The following ZNF175 variants were observed in gnomAD, a reference collection of about 807,000 sequenced individuals.
ZNF175 encodes the protein zinc finger protein OTK18.
Under a neutral mutation model 14.0 loss-of-function variants are expected in ZNF175, and 8 were observed. The observed-to-expected ratio is 0.57, with a 90% CI of 0.34 to 1.03. The LOEUF is 1.03. Among genes scored for constraint, ZNF175 ranks in the 50% least tolerant of loss-of-function variants. The pLI is 0.03. For synonymous variants in ZNF175, 255 were observed against 296.8 expected (o/e 0.86, Z 1.45); for missense variants, 764 against 849.5 (o/e 0.90, Z 1.25).
intron 2 of ZNF175, among the ~76,000 whole-genome samples, chr19:51,577,367 G>C (rs1981824496): frequency 6.6e-6 from 1 of 151,874 alleles, no homozygotes; most frequent in African/African-American, 2.4e-5. Flanking sequence ...CATTTAAAAG[G>C]GTTTTTATGC....
At chr19:51,574,670 A>G (rs1330717046) in intron 2 of ZNF175, among the ~76,000 whole-genome samples, 1 of 152,226 alleles carries the variant, frequency 6.6e-6, no homozygotes, top group Non-Finnish European at 1.5e-5. Flanking sequence ...CCCTGTCTCA[A>G]AACAAAACAA....
chr19:51,586,785 C>A lies in ZNF175; in HGVS notation c.454C>A (p.Gln152Lys). 2 of 1,614,138 alleles carry A rather than the reference C, an allele frequency of 1.2e-6. No individual in the cohort carries two copies. The highest frequency in any genetic ancestry group is 1.1e-5 in the South Asian group (1 of 91,074). ...CCGCACAAAGAAAGATGAGCAAAATCAAATTCAACCCATGAGTCACAGTGC... is the reference window on the plus strand; with the variant it reads ...CCGCACAAAGAAAGATGAGCAAAATAAAATTCAACCCATGAGTCACAGTGC... The part of the protein sequence containing the change: ...ADRTKKDEQN[Q>K]IQPMSHSAFF... The change falls in exon 5 of 5, where the codon CAA becomes AAA. Residue 152 changes from glutamine to lysine, a missense_variant. Gln to Lys is a moderately conservative substitution (Grantham distance 53). Coordinates refer to ENST00000262259, the MANE Select transcript of ZNF175 (RefSeq NM_007147.4).
At position 51,587,266 on chromosome 19, in the gene ZNF175, G is replaced by A. The variant is rs1235035466; in HGVS notation, c.935G>A (p.Cys312Tyr). The stretch of plus-strand genomic sequence containing the variant: ...GGAAACCTCCATGAATGTGGCAAAT[G>A]TGGAAAAGCCTTCATGCCACAACTA... ...SVGNLHECGK[C>Y]GKAFMPQLKL... The change falls in exon 5 of 5, where the codon TGT becomes TAT. Residue 312 changes from cysteine (C) to tyrosine (Y), a missense_variant. Coordinates refer to ENST00000262259, the MANE Select transcript of ZNF175 (RefSeq NM_007147.4). The A allele has an allele frequency of 6.2e-7, 1 of 1,614,076 alleles. No homozygotes were observed. The highest frequency in any genetic ancestry group is 1.3e-5 in the African/African-American group (1 of 74,916).
At position 51,575,458 on chromosome 19, in the gene ZNF175, C is replaced by T. The variant is rs375106860; in HGVS notation, c.72+2057C>T. Among the ~76,000 whole-genome samples, 26 of 152,202 alleles carry T rather than the reference C, an allele frequency of 1.7e-4. No individual in the cohort carries two copies. The East Asian group carries it at 4.1e-3, about 24-fold the overall frequency. On this transcript the variant is annotated intron_variant, in intron 2 of 4. Coordinates refer to ENST00000262259, the MANE Select transcript of ZNF175 (RefSeq NM_007147.4). The stretch of plus-strand genomic sequence containing the variant: ...GGTCTTGATCTCCTGACCTCGTGAT[C>T]CGCCTGCCTCAGTGTCCCAAGAGAG...
At chr19:51,582,238 A>C (rs1477788654) in intron 4 of ZNF175, among the ~76,000 whole-genome samples, 2 of 152,224 alleles carry the variant, frequency 1.3e-5, no homozygotes, top group African/African-American at 2.4e-5. Flanking sequence ...TGGCATTAAC[A>C]AAATTGGTGA....
intron 2 of ZNF175, among the ~76,000 whole-genome samples, chr19:51,577,824 A>C (rs776459963): frequency 1.1e-3 from 171 of 151,508 alleles, no homozygotes; most frequent in East Asian, 2.6e-3. Flanking sequence ...CCACCACACC[A>C]AGCTAATTTT....
chr19:51,581,356 C>A lies in ZNF175; in HGVS notation c.73-35C>A, dbSNP rs1981994762. 13 of 1,614,050 alleles carry A rather than the reference C, an allele frequency of 8.1e-6. No individual in the cohort carries two copies. In the East Asian group the frequency reaches 2.9e-4, roughly 36 times the overall value. ...TGCCATCCCCACTCGCCAATGATGA[C>A]CTAATTCACAGTGAGCTGGGGTACA... On this transcript the variant is annotated intron_variant, in intron 2 of 4. Transcript: ENST00000262259.
rs962580903 is a variant in ZNF175, at chr19:51,571,431, G to C, written c.-225G>C. On this transcript the variant is annotated 5_prime_UTR_variant, in exon 1 of 5. Coordinates refer to ENST00000262259, the MANE Select transcript of ZNF175 (RefSeq NM_007147.4). Reference sequence around the variant, plus strand: ...GTGATGAGGGGCTTGTTGGGGGTGGGGGTGCGTGATAAAGGGATTTCTCGG... The same window carrying C: ...GTGATGAGGGGCTTGTTGGGGGTGGCGGTGCGTGATAAAGGGATTTCTCGG... 6.6e-6 allele frequency: 1 copy of C among 152,204 alleles called. No individual in the cohort carries two copies. The highest frequency in any genetic ancestry group is 2.4e-5 in the African/African-American group (1 of 41,332). The allele number at this position is 152,204 out of a possible 1,614,324, so 9.4% of individuals were successfully genotyped here. A position where few individuals can be genotyped will look rare whatever the true frequency, so the allele number is the denominator to read the frequency against.
At chr19:51,585,330 A>T (rs571632448) in intron 4 of ZNF175, among the ~76,000 whole-genome samples, 1 of 152,180 alleles carries the variant, frequency 6.6e-6, no homozygotes, top group South Asian at 2.1e-4. Context: ...GAAAAGGGAA[A>T]TTGTTTAATG....
At position 51,580,537 on chromosome 19, in the gene ZNF175, T is replaced by C. The variant is rs537647737; in HGVS notation, c.73-854T>C. On this transcript the variant is annotated intron_variant, in intron 2 of 4. Transcript: ENST00000262259. The stretch of plus-strand genomic sequence containing the variant: ...CATCAGTCCTTTCATTAACCTAATA[T>C]TAGTTATTACAGGAGAGATCATCTT... Among the ~76,000 whole-genome samples the C allele has an allele frequency of 8.8e-4, 134 of 152,218 alleles. 1 individual carries two copies. The highest frequency in any genetic ancestry group is 1.2e-3 in the Non-Finnish European group (80 of 68,034).
chr19:51,589,986 G>A lies in ZNF175; in HGVS notation c.*1519G>A, dbSNP rs1184506650. On this transcript the variant is annotated 3_prime_UTR_variant, in exon 5 of 5. Transcript: ENST00000262259. ...CTCAGATCTCTTACGTGTGTGGATG[G>A]TATTTTTTTCATTCTACAATCCATG... is the stretch of plus-strand genomic sequence containing the variant. 1.0e-5 allele frequency: 2 copies of A among 191,868 alleles called. No homozygotes were observed. The highest frequency in any genetic ancestry group is 1.2e-4 in the East Asian group (1 of 8,014). The allele number at this position is 191,868 out of a possible 1,614,324, so 11.9% of individuals were successfully genotyped here.
chr19:51,587,592 T>G lies in ZNF175; in HGVS notation c.1261T>G (p.Cys421Gly). 6.2e-7 allele frequency: 1 copy of G among 1,614,200 alleles called. No homozygotes were observed. The highest frequency in any genetic ancestry group is 8.5e-7 in the Non-Finnish European group (1 of 1,180,040). The part of the protein sequence containing the change: ...KIHTGERQYA[C>G]SECGKAFTQK... ...TCATACTGGTGAGAGACAGTATGCA[T>G]GCAGTGAATGTGGGAAAGCCTTTAC... The change falls in exon 5 of 5, where the codon TGC becomes GGC. Residue 421 changes from cysteine (C) to glycine (G), a missense_variant. Transcript: ENST00000262259.
chr19:51,580,854 G>A (rs749278784), intron 2 of ZNF175, among the ~76,000 whole-genome samples: 10 of 152,172 alleles, frequency 6.6e-5, no homozygotes, highest in East Asian at 5.8e-4. Context: ...TACTTCCAGC[G>A]TAAGCTTCAC....
rs1354692994 is a variant in ZNF175 at position 51,590,402 on chromosome 19, C to T, written c.*1935C>T. The T allele has an allele frequency of 6.6e-6, 1 of 152,394 alleles. No homozygotes were observed. The highest frequency in any genetic ancestry group is 1.5e-5 in the Non-Finnish European group (1 of 68,190). The allele number at this position is 152,394 out of a possible 1,614,324, so 9.4% of individuals were successfully genotyped here. ...CAAGTGCTGATGAATTTTAGCGGGC[C>T]TCGTATCCCTGAGCCTGCCTGGTTC... On this transcript the variant is annotated 3_prime_UTR_variant, in exon 5 of 5. Transcript: ENST00000262259.
chr19:51,587,207 A>G lies in ZNF175; in HGVS notation c.876A>G (p.Ser292=). 4 of 1,614,242 alleles carry G rather than the reference A, an allele frequency of 2.5e-6. No individual in the cohort carries two copies. Among genetic ancestry groups the G allele is most frequent in the Non-Finnish European group, 3.4e-6 (4 of 1,180,032 alleles). The change falls in exon 5 of 5, where the codon TCA becomes TCG. Residue 292 remains serine (S), a synonymous_variant. Coordinates refer to ENST00000262259, the MANE Select transcript of ZNF175 (RefSeq NM_007147.4). The part of the protein sequence containing the change: ...SECGGSFTQK[S]HLFAQQRIHS... ...GTGGGGGGAGCTTCACCCAGAAGTC[A>G]CACCTCTTTGCCCAACAGAGAATTC...
At position 51,586,829 on chromosome 19, in the gene ZNF175, A is replaced by G. The variant is rs140650598; in HGVS notation, c.498A>G (p.Thr166=). 1 of 1,614,196 alleles carries G rather than the reference A, an allele frequency of 6.2e-7. No individual in the cohort carries two copies. Among genetic ancestry groups the G allele is most frequent in the East Asian group, 2.2e-5 (1 of 44,892 alleles). Reference sequence around the variant, plus strand: ...ACAGTGCTTTCTTCAACAAGAAAACATTGAACACAGAAAGCAATTGTGAAT... The same window carrying G: ...ACAGTGCTTTCTTCAACAAGAAAACGTTGAACACAGAAAGCAATTGTGAAT... ...MSHSAFFNKK[T]LNTESNCEYK... Residue 166 remains threonine, a synonymous_variant, in exon 5 of 5, where the codon ACA becomes ACG. Coordinates refer to ENST00000262259, the MANE Select transcript of ZNF175 (RefSeq NM_007147.4).
At chr19:51,577,742 C>G (rs189700322) in intron 2 of ZNF175, among the ~76,000 whole-genome samples, 1 of 148,290 alleles carries the variant, frequency 6.7e-6, no homozygotes, top group East Asian at 2.0e-4. Context: ...TGGCTCACTG[C>G]AAGCTCCGCC....
intron 2 of ZNF175, among the ~76,000 whole-genome samples, chr19:51,576,810 T>C (rs1397399300): frequency 3.3e-5 from 5 of 152,144 alleles, no homozygotes; most frequent in African/African-American, 4.8e-5. Flanking sequence ...CCTTTGGCTT[T>C]CTCTTCCACG....
chr19:51,587,551 T>TTA lies in ZNF175; in HGVS notation c.1223_1224dup (p.His409TyrfsTer55), dbSNP rs753710732. On this transcript the variant is annotated frameshift_variant, in exon 5 of 5. Transcript: ENST00000262259. LOFTEE classifies it low-confidence loss of function (END_TRUNC). ...GGCTTCTCCCAAAACTCAACCCTCA[T>TTA]TATACATCAGAAAATTCATACTGGT... The TTA allele has an allele frequency of 1.4e-5, 22 of 1,614,064 alleles. No homozygotes were observed. In the South Asian group the frequency reaches 2.3e-4, roughly 17 times the overall value.
Sources: gnomAD v4.1 joint callset for allele counts (sites outside exome capture counted in the v4.1 genomes callset) on GRCh38, gnomAD v4.1.1 for gene constraint, MANE v1.5 for transcripts, NCBI Gene and HGNC (gene_info 2026-07-23, HGNC 2026-07-21) for gene names.